Variants in SORL1 observed in about 807,000 individuals in gnomAD.
SORL1 encodes sortilin related receptor 1.
SORL1 carries 127 observed loss-of-function variants against 273.7 expected under a neutral mutation model. That is an observed-to-expected ratio of 0.46 (90% confidence interval 0.40 to 0.54). The LOEUF is 0.54. Ranked by LOEUF, SORL1 falls within the 20% of genes least tolerant of loss-of-function variation. The probability of loss-of-function intolerance (pLI) is 0.00; values close to 1 mark genes in which losing one functional copy is unlikely to be tolerated. For missense variants in SORL1, 2,494 were observed against 2,846.1 expected, an observed-to-expected ratio of 0.88 and a Z score of 2.81; for synonymous variants, 1,031 against 1,067.4, an observed-to-expected ratio of 0.97 and a Z score of 0.66.
intron 43 of SORL1, among the ~76,000 whole-genome samples, chr11:121,620,155 G>A (rs1030884972): frequency 5.9e-5 from 9 of 152,226 alleles, no homozygotes; most frequent in South Asian, 2.1e-4. Context: ...TTTCTCCTCC[G>A]CTGCTGATAT....
chr11:121,552,435 G>A (rs1473627969), intron 16 of SORL1, among the ~76,000 whole-genome samples: 1 of 152,152 alleles, frequency 6.6e-6, no homozygotes, highest in African/African-American at 2.4e-5. Flanking sequence ...TCTACTTTAT[G>A]GGTATTAGTT....
Position 121,488,181 on chromosome 11 carries a change from C to T in SORL1, c.678C>T (p.His226=). ...SNLLLGFDRS[H]PNKQLWKSDD... Reference sequence around the variant, plus strand: ...TTCTCTTGGGCTTTGACAGGTCCCACCCCAACAAGCAGGTAAGAGGGCTTT... The same window carrying T: ...TTCTCTTGGGCTTTGACAGGTCCCATCCCAACAAGCAGGTAAGAGGGCTTT... The change falls in exon 4 of 48, where the codon CAC becomes CAT. Residue 226 remains histidine, a synonymous_variant. Transcript: ENST00000260197. 1 of 1,614,030 alleles carries T rather than the reference C, an allele frequency of 6.2e-7. No homozygotes were observed. Among genetic ancestry groups the T allele is most frequent in the Non-Finnish European group, 8.5e-7 (1 of 1,179,962 alleles).
chr11:121,462,945 G>A (rs929653743), intron 1 of SORL1, among the ~76,000 whole-genome samples: 15 of 152,152 alleles, frequency 9.9e-5, no homozygotes, highest in African/African-American at 3.6e-4. Flanking sequence ...GACTGAACGC[G>A]GTGAGGGGCT....
chr11:121,619,651 T>C (rs1416121633), intron 42 of SORL1, 102 bp from the exon 43 acceptor site: 12 of 998,866 alleles, frequency 1.2e-5, no homozygotes, highest in Non-Finnish European at 1.8e-5. Context: ...TTGTACTAAC[T>C]GAATTTTAAT....
At chr11:121,541,688 T>A (rs1862352304) in intron 12 of SORL1, among the ~76,000 whole-genome samples, 1 of 152,236 alleles carries the variant, frequency 6.6e-6, no homozygotes, top group African/African-American at 2.4e-5. Flanking sequence ...AGAAGCCCTG[T>A]GATTCTAAAG....
At chr11:121,523,240 A>G (rs1475214985) in intron 11 of SORL1, among the ~76,000 whole-genome samples, 1 of 152,214 alleles carries the variant, frequency 6.6e-6, no homozygotes, top group East Asian at 1.9e-4. Context: ...CTATGAGGGC[A>G]AAGACAATGT....
At chr11:121,491,142 T>C (rs991223043) in intron 5 of SORL1, among the ~76,000 whole-genome samples, 1 of 152,158 alleles carries the variant, frequency 6.6e-6, no homozygotes, top group Non-Finnish European at 1.5e-5. Flanking sequence ...GTAGAGAACA[T>C]GAACTCTTAA....
intron 6 of SORL1, among the ~76,000 whole-genome samples, chr11:121,509,251 G>A (rs545699882): frequency 6.6e-6 from 1 of 152,086 alleles, no homozygotes; most frequent in South Asian, 2.1e-4. Context: ...CCATGCCTTG[G>A]GAGGGCTTAG....
chr11:121,619,920 G>A lies in SORL1; in HGVS notation c.5889+3G>A, dbSNP rs750900420. The A allele has an allele frequency of 6.2e-7, 1 of 1,612,730 alleles. No individual in the cohort carries two copies. The highest frequency in any genetic ancestry group is 2.2e-5 in the East Asian group (1 of 44,858). ...ATGACTCTCCTGACCAGGACTTGGT[G>A]AGTGGGTTGGGCTTCCAGGCCTCTT... On this transcript the variant is annotated splice_donor_region_variant and intron_variant, in intron 43 of 47. Coordinates refer to ENST00000260197, the MANE Select transcript of SORL1 (RefSeq NM_003105.6).
intron 35 of SORL1, 30 bp downstream of exon 35, chr11:121,605,601 G>A: frequency 1.9e-6 from 3 of 1,590,094 alleles, no homozygotes; most frequent in Non-Finnish European, 2.6e-6. Context: ...TTTATGGCAT[G>A]GGTAAGACCT....
chr11:121,619,430 T>C (rs1370452297), intron 42 of SORL1, among the ~76,000 whole-genome samples: 1 of 152,234 alleles, frequency 6.6e-6, no homozygotes, highest in East Asian at 1.9e-4. Context: ...GAGCATAATA[T>C]GTGTGCCATT....
At chr11:121,484,772 G>A (rs908382530) in intron 3 of SORL1, among the ~76,000 whole-genome samples, 2 of 152,088 alleles carry the variant, frequency 1.3e-5, no homozygotes, top group Admixed American at 1.3e-4. Context: ...TTTTGTTTTT[G>A]AGACAGGGTC....
intron 6 of SORL1, among the ~76,000 whole-genome samples, chr11:121,510,880 G>C (rs1861867649): frequency 6.6e-6 from 1 of 152,174 alleles, no homozygotes; most frequent in African/African-American, 2.4e-5. Flanking sequence ...GATCAGAGCA[G>C]AGCTTCTGCA....
intron 4 of SORL1, 82 bp downstream of exon 4, chr11:121,488,275 G>A: frequency 1.4e-6 from 2 of 1,381,280 alleles, no homozygotes; most frequent in Non-Finnish European, 2.0e-6. Flanking sequence ...TCCTTTGAGT[G>A]ACCTCGCCTC....
chr11:121,573,649 G>A (rs943321694), intron 23 of SORL1, among the ~76,000 whole-genome samples: 12 of 152,144 alleles, frequency 7.9e-5, no homozygotes, highest in Admixed American at 5.2e-4. Flanking sequence ...CTCTGACTGT[G>A]ATCTCAAGCA....
At chr11:121,570,475 A>G (rs747011523) in intron 23 of SORL1, among the ~76,000 whole-genome samples, 29 of 152,142 alleles carry the variant, frequency 1.9e-4, no homozygotes, top group Non-Finnish European at 4.0e-4. Context: ...TATATACATA[A>G]TATTTTTTTA....
intron 3 of SORL1, among the ~76,000 whole-genome samples, chr11:121,484,500 G>C (rs1861443376): frequency 6.6e-6 from 1 of 152,122 alleles, no homozygotes; most frequent in Non-Finnish European, 1.5e-5. Context: ...TAGAGAGTGA[G>C]GGCCAAAGGG....
chr11:121,628,768 C>T (rs1863834377), intron 47 of SORL1: 6 of 152,214 alleles, frequency 3.9e-5, no homozygotes, highest in Admixed American at 3.9e-4. Flanking sequence ...TTATTTCTTT[C>T]CGTTAACTAG....
chr11:121,469,356 G>A (rs1406049579), intron 1 of SORL1, among the ~76,000 whole-genome samples: 1 of 152,194 alleles, frequency 6.6e-6, no homozygotes, highest in Non-Finnish European at 1.5e-5. Context: ...TTTTTGTGAT[G>A]TCCTTACTTG....
Sources: allele counts gnomAD v4.1 joint callset (sites outside exome capture counted in the v4.1 genomes callset), GRCh38; gene constraint gnomAD v4.1.1; transcripts MANE v1.5; gene names NCBI Gene and HGNC (gene_info 2026-07-23, HGNC 2026-07-21).